FHOD3: variants seen among roughly 807,000 people sequenced by gnomAD.
FHOD3 encodes the protein FH1/FH2 domain-containing protein 3.
A neutral mutation model predicts 173.0 loss-of-function variants in FHOD3; 90 were observed. The ratio of observed to expected loss-of-function variants is 0.52; its 90% confidence interval spans 0.44 to 0.62. The LOEUF is 0.62. FHOD3 is among the 20% of genes least tolerant of loss of function. FHOD3 has a pLI of 0.00. For missense variants in FHOD3, 1,945 were observed against 2,034.7 expected (o/e 0.96, Z 0.85); for synonymous variants, 828 against 823.0 (o/e 1.01, Z -0.10).
At chr18:36,311,654 T>C (rs2092260615) in intron 1 of FHOD3, among the ~76,000 whole-genome samples, 1 of 152,120 alleles carries the variant, frequency 6.6e-6, no homozygotes, top group South Asian at 2.1e-4. Flanking sequence ...CTATGAGATC[T>C]CCTCTTACCA....
chr18:36,602,670 A>G lies in FHOD3; in HGVS notation c.719-4A>G, dbSNP rs1176912031. 2 of 1,610,600 alleles carry G rather than the reference A, an allele frequency of 1.2e-6. No homozygotes were observed. Among genetic ancestry groups the G allele is most frequent in the African/African-American group, 2.7e-5 (2 of 75,004 alleles). On this transcript the variant is annotated splice_polypyrimidine_tract_variant and splice_region_variant and intron_variant, in intron 7 of 28. Coordinates refer to ENST00000590592, the MANE Select transcript of FHOD3 (RefSeq NM_001281740.3). ...GTTTCTAATGATTTTTGCTTTACTC[A>G]TAGGGGTCAAACCTTGGTCAAATAT...
At chr18:36,767,038 G>C (rs2043168277) in intron 27 of FHOD3, among the ~76,000 whole-genome samples, 1 of 152,196 alleles carries the variant, frequency 6.6e-6, no homozygotes, top group Admixed American at 6.5e-5. Context: ...CAGAGGCCCA[G>C]TCTAAAAGCT....
chr18:36,363,457 A>G (rs1299484621), intron 2 of FHOD3, among the ~76,000 whole-genome samples: 3 of 152,218 alleles, frequency 2.0e-5, no homozygotes, highest in Non-Finnish European at 4.4e-5. Context: ...AATATTTTTT[A>G]TTTAGCAATA....
At chr18:36,773,257 T>TC (rs1018242215) in intron 28 of FHOD3, among the ~76,000 whole-genome samples, 13 of 151,504 alleles carry the variant, frequency 8.6e-5, no homozygotes, top group South Asian at 2.1e-4. Context: ...TGTCTGTAAG[T>TC]CCCCCCCACA....
chr18:36,547,110 C>T (rs941918194), intron 5 of FHOD3, among the ~76,000 whole-genome samples: 1 of 152,162 alleles, frequency 6.6e-6, no homozygotes, highest in South Asian at 2.1e-4. Flanking sequence ...CCTTCAGGGG[C>T]AGGTTGGAGC....
intron 27 of FHOD3, among the ~76,000 whole-genome samples, chr18:36,761,688 C>G (rs2042887564): frequency 6.6e-6 from 1 of 152,198 alleles, no homozygotes; most frequent in Non-Finnish European, 1.5e-5. Flanking sequence ...CACCAGGCCA[C>G]TCTTTCTCTT....
At chr18:36,307,291 C>T (rs997641826) in intron 1 of FHOD3, among the ~76,000 whole-genome samples, 2 of 152,170 alleles carry the variant, frequency 1.3e-5, no homozygotes, top group Admixed American at 1.3e-4. Flanking sequence ...GTCCATTTTT[C>T]CCTAATTTGT....
At chr18:36,351,757 G>T (rs2145694811) in intron 1 of FHOD3, among the ~76,000 whole-genome samples, 2 of 152,306 alleles carry the variant, frequency 1.3e-5, no homozygotes, top group Admixed American at 1.3e-4. Context: ...CAGATACCTG[G>T]CAGGCCAGGG....
intron 10 of FHOD3, among the ~76,000 whole-genome samples, chr18:36,633,760 G>A (rs1247678538): frequency 6.6e-6 from 1 of 152,118 alleles, no homozygotes; most frequent in African/African-American, 2.4e-5. Flanking sequence ...TGTTGAGAAA[G>A]CAAAAAATCA....
intron 5 of FHOD3, among the ~76,000 whole-genome samples, chr18:36,525,721 C>T (rs972604023): frequency 2.6e-5 from 4 of 152,156 alleles, no homozygotes; most frequent in African/African-American, 9.7e-5. Flanking sequence ...CAACTACATG[C>T]CATCCATTCA....
intron 23 of FHOD3, among the ~76,000 whole-genome samples, 164 bp downstream of exon 23, chr18:36,744,357 A>G (rs1295953197): frequency 1.3e-5 from 2 of 152,244 alleles, no homozygotes; most frequent in African/African-American, 2.4e-5. Context: ...GGCATTTCTA[A>G]TGAACTTTTA....
chr18:36,413,943 A>G (rs1169511313), intron 3 of FHOD3, among the ~76,000 whole-genome samples: 1 of 152,116 alleles, frequency 6.6e-6, no homozygotes, highest in Non-Finnish European at 1.5e-5. Context: ...GTAACCTCTA[A>G]TCTACCTTAT....
chr18:36,741,174 A>G (rs2041884278), intron 21 of FHOD3, among the ~76,000 whole-genome samples: 1 of 152,230 alleles, frequency 6.6e-6, no homozygotes, highest in Admixed American at 6.5e-5. Flanking sequence ...AAAATTTCCT[A>G]TAATCCTTCC....
chr18:36,619,653 A>G (rs1445298614), intron 9 of FHOD3, among the ~76,000 whole-genome samples: 1 of 152,224 alleles, frequency 6.6e-6, no homozygotes, highest in Non-Finnish European at 1.5e-5. Flanking sequence ...AGCACCTGCT[A>G]TGTGCCAGGC....
intron 1 of FHOD3, among the ~76,000 whole-genome samples, chr18:36,301,356 A>G (rs990335321): frequency 6.6e-6 from 1 of 152,192 alleles, no homozygotes; most frequent in Non-Finnish European, 1.5e-5. Context: ...TAAAATTGTC[A>G]TCTTATGCAA....
At chr18:36,698,617 T>C (rs1040063289) in intron 17 of FHOD3, among the ~76,000 whole-genome samples, 7 of 152,078 alleles carry the variant, frequency 4.6e-5, no homozygotes, top group African/African-American at 1.7e-4. Flanking sequence ...GAGGTGGACA[T>C]TACCTGATCA....
At chr18:36,372,850 C>T (rs1568185745) in intron 3 of FHOD3, 106 bp downstream of exon 3, 1 of 913,228 alleles carries the variant, frequency 1.1e-6, no homozygotes, top group East Asian at 2.7e-5. Flanking sequence ...TAGCCCCTAT[C>T]ATGAGTTCTT....
At chr18:36,499,867 A>G (rs1158191798) in intron 3 of FHOD3, among the ~76,000 whole-genome samples, 2 of 152,144 alleles carry the variant, frequency 1.3e-5, no homozygotes, top group East Asian at 3.9e-4. Context: ...ACTCTTCATA[A>G]TTAGCAAGTG....
At chr18:36,647,177 G>A (rs1218632237) in intron 10 of FHOD3, among the ~76,000 whole-genome samples, 2 of 152,184 alleles carry the variant, frequency 1.3e-5, no homozygotes, top group Non-Finnish European at 2.9e-5. Flanking sequence ...GGAGGCAGAG[G>A]TTGCAGTGAG....
Sources: gnomAD v4.1 joint callset for allele counts (sites outside exome capture counted in the v4.1 genomes callset) on GRCh38, gnomAD v4.1.1 for gene constraint, MANE v1.5 for transcripts, NCBI Gene and HGNC (gene_info 2026-07-23, HGNC 2026-07-21) for gene names.